FTSJ3: variants seen among roughly 807,000 people sequenced by gnomAD.
FTSJ3 encodes FtsJ RNA 2'-O-methyltransferase 3, also known as pre-rRNA 2'-O-ribose RNA methyltransferase FTSJ3.
In FTSJ3, 46 loss-of-function variants were observed where a neutral mutation model predicts 111.5. The observed-to-expected ratio is 0.41, with a 90% CI of 0.33 to 0.53. The LOEUF (loss-of-function observed/expected upper bound fraction) is 0.53. Among genes scored for constraint, FTSJ3 ranks in the 20% least tolerant of loss-of-function variants. The probability of loss-of-function intolerance (pLI) is 0.19; values close to 1 mark genes in which losing one functional copy is unlikely to be tolerated. For missense variants in FTSJ3, 1,075 were observed against 1,063.8 expected, an observed-to-expected ratio of 1.01 and a Z score of -0.15; for synonymous variants, 408 against 383.0, an observed-to-expected ratio of 1.07 and a Z score of -0.76.
rs751363362 is a variant in FTSJ3 at position 63,826,100 on chromosome 17, C to T, written c.256G>A (p.Val86Met). The T allele has an allele frequency of 6.2e-7, 1 of 1,613,968 alleles. No homozygotes were observed. Among genetic ancestry groups the T allele is most frequent in the South Asian group, 1.1e-5 (1 of 91,074 alleles). Residue 86 changes from valine to methionine, a missense_variant, in exon 5 of 21, where the codon GTG (valine) becomes ATG (methionine). Coordinates refer to ENST00000427159, the MANE Select transcript of FTSJ3 (RefSeq NM_017647.4). ...GTGATGTCCTGCTGGAGAGTCACCA[C>T]ATTGGGGAGAGGCTTGATTGGAACC... ...DLVPIKPLPN[V>M]VTLQQDITTE...
In FTSJ3 at chr17:63,821,441, C is replaced by A; in HGVS notation, c.1799G>T (p.Gly600Val). The A allele has an allele frequency of 6.2e-7, 1 of 1,614,152 alleles. No individual in the cohort carries two copies. The highest frequency in any genetic ancestry group is 8.5e-7 in the Non-Finnish European group (1 of 1,180,026). The change falls in exon 16 of 21, where the codon GGG becomes GTG. Residue 600 changes from glycine to valine, a missense_variant. Around this residue, in one of 2 missense-constraint regions of FTSJ3, gnomAD observed 867 missense variants for 796.9 expected, o/e 1.09. Transcript: ENST00000427159. ...TTCAAGGCCAGTGGCAGCTTCTGTC[C>A]CCGAAGAAGCCTCTGTTCCCTTAGG... ...EAPKGTEASS[G>V]TEAATGLEGE...
chr17:63,822,259 C>T (rs537942061), intron 13 of FTSJ3, 91 bp from the exon 14 acceptor site: 2 of 1,092,332 alleles, frequency 1.8e-6, no homozygotes, highest in Admixed American at 2.1e-5. Context: ...TGCTCAGCAA[C>T]ACTAGAAAGA....
At position 63,819,519 on chromosome 17, in the gene FTSJ3, T is replaced by C; in HGVS notation, c.*283A>G. On this transcript the variant is annotated 3_prime_UTR_variant, in exon 21 of 21. Coordinates refer to ENST00000427159, the MANE Select transcript of FTSJ3 (RefSeq NM_017647.4). ...ACGTCCAGGTGTAGACTGACTACAT[T>C]GAGTATCGCTCCAACACCGAACTTC... 1 of 376,368 alleles carries C rather than the reference T, an allele frequency of 2.7e-6. No individual in the cohort carries two copies. Among genetic ancestry groups the C allele is most frequent in the Non-Finnish European group, 4.8e-6 (1 of 207,250 alleles). The allele number at this position is 376,368 out of a possible 1,614,324, so 23.3% of individuals were successfully genotyped here. A position where few individuals can be genotyped will look rare whatever the true frequency, so the allele number is the denominator to read the frequency against.
chr17:63,824,895 TAG>T lies in FTSJ3; in HGVS notation c.744_745del (p.Tyr249SerfsTer7). On this transcript the variant is annotated frameshift_variant, in exon 9 of 21. Transcript: ENST00000427159. LOFTEE classifies it high-confidence loss of function. Reference sequence around the variant, plus strand: ...GAAGTCAGTGACTGAGGTACGGTGATAGAGAGTGAGGTCACCCTCAGCATAGC... The same window carrying T: ...GAAGTCAGTGACTGAGGTACGGTGATAGAGTGAGGTCACCCTCAGCATAGC... The T allele has an allele frequency of 1.9e-6, 3 of 1,593,756 alleles. No homozygotes were observed. Among genetic ancestry groups the T allele is most frequent in the Non-Finnish European group, 2.6e-6 (3 of 1,169,304 alleles).
chr17:63,821,147 A>G, intron 16 of FTSJ3, 32 bp from the exon 17 acceptor site: 1 of 1,601,760 alleles, frequency 6.2e-7, no homozygotes, highest in Non-Finnish European at 8.6e-7. Flanking sequence ...GAGTGATTCC[A>G]CCACTCTGTA....
Position 63,824,162 on chromosome 17 carries a change from T to C in FTSJ3, c.1076A>G (p.Glu359Gly). 1 of 1,614,128 alleles carries C rather than the reference T, an allele frequency of 6.2e-7. No homozygotes were observed. Among genetic ancestry groups the C allele is most frequent in the Non-Finnish European group, 8.5e-7 (1 of 1,180,030 alleles). ...TTGTTCCTCCTCCTCCTCTTCCTCC[T>C]CCTCCTTAGAGGGCTGCTTTGTGGT... ...AGTTKQPSKEEEEEEEEEQLN... is the reference protein window; with the variant it reads ...AGTTKQPSKEGEEEEEEEQLN... The change falls in exon 12 of 21, where the codon GAG becomes GGG. Residue 359 changes from glutamate to glycine, a missense_variant. Transcript: ENST00000427159.
rs752332912 is a variant in FTSJ3, at chr17:63,826,800, C to A, written c.67+36G>T. 385 of 1,598,672 alleles carry A rather than the reference C, an allele frequency of 2.4e-4. 5 individuals are homozygous for A. In the Admixed American group the frequency reaches 6.4e-3, roughly 26 times the overall value. On this transcript the variant is annotated intron_variant, in intron 2 of 20. Transcript: ENST00000427159. ...GAGCAGGCGAACCGGGCAGAGATCG[C>A]TCGCTCGCTCGCAGACTGAGCGAAT...
Position 63,821,496 on chromosome 17 carries a change from T to C in FTSJ3, c.1744A>G (p.Ile582Val). Residue 582 changes from isoleucine (I) to valine (V), a missense_variant, in exon 16 of 21, where the codon ATA becomes GTA. Coordinates refer to ENST00000427159, the MANE Select transcript of FTSJ3 (RefSeq NM_017647.4). ...QTPPSCLKTEIMSPLYQDEAP... is the reference protein window; with the variant it reads ...QTPPSCLKTEVMSPLYQDEAP... ...TCATCTTGGTACAGGGGAGACATTA[T>C]CTCAGTCTTCAAACAGGAAGGGGGT... The C allele has an allele frequency of 6.2e-7, 1 of 1,614,170 alleles. No individual in the cohort carries two copies. The highest frequency in any genetic ancestry group is 1.1e-5 in the South Asian group (1 of 91,078).
rs537685751 is a variant in FTSJ3, at chr17:63,821,199, C to T, written c.1887-84G>A. On this transcript the variant is annotated intron_variant, in intron 16 of 20. Transcript: ENST00000427159. ...CCCACGGAATTTGCAAAAATCCTGCCATGCAGGCTGTACCCCAGACCAGTT... is the reference window on the plus strand; with the variant it reads ...CCCACGGAATTTGCAAAAATCCTGCTATGCAGGCTGTACCCCAGACCAGTT... The T allele has an allele frequency of 1.9e-5, 29 of 1,541,068 alleles. No individual in the cohort carries two copies. In the African/African-American group the frequency reaches 3.4e-4, roughly 18 times the overall value.
In FTSJ3 at chr17:63,824,870, G is replaced by A. The variant is rs750487708; in HGVS notation, c.771C>T (p.Phe257=). The change falls in exon 9 of 21, where the codon TTC becomes TTT. Residue 257 remains phenylalanine, a synonymous_variant. Coordinates refer to ENST00000427159, the MANE Select transcript of FTSJ3 (RefSeq NM_017647.4). ...TLYHRTSVTD[F]LRAANPVDFL... ...AGTCAACAGGGTTGGCAGCTCGGAG[G>A]AAGTCAGTGACTGAGGTACGGTGAT... 3 of 1,601,060 alleles carry A rather than the reference G, an allele frequency of 1.9e-6. No individual in the cohort carries two copies. The highest frequency in any genetic ancestry group is 1.1e-5 in the South Asian group (1 of 88,602).
In FTSJ3 at chr17:63,819,627, G is replaced by A; in HGVS notation, c.*175C>T. ...TGGGAGACCTTCAGGCAGGCAGGAG[G>A]ACATCCTCCTCTCTGCTCAGGACCA... On this transcript the variant is annotated 3_prime_UTR_variant, in exon 21 of 21. Transcript: ENST00000427159. 1.6e-6 allele frequency: 1 copy of A among 610,292 alleles called. No homozygotes were observed. The allele number at this position is 610,292 out of a possible 1,614,324, so 37.8% of individuals were successfully genotyped here.
At chr17:63,825,947 G>T (rs1328042454) in intron 5 of FTSJ3, 109 bp downstream of exon 5, 5 of 868,292 alleles carry the variant, frequency 5.8e-6, no homozygotes, top group Admixed American at 4.4e-5. Flanking sequence ...CAGATGTCAG[G>T]CAAGAACGTG....
In FTSJ3 at chr17:63,827,513, A is replaced by AG; in HGVS notation, c.-489dup. 1.9e-6 allele frequency: 3 copies of AG among 1,551,748 alleles called. No homozygotes were observed. The highest frequency in any genetic ancestry group is 2.6e-6 in the Non-Finnish European group (3 of 1,146,994). ...AAGATGGCGCTTGACGGACCAGAGC[A>AG]GGTATGGCGGGTGCAGTGGCGGCCC... On this transcript the variant is annotated 5_prime_UTR_variant, in exon 1 of 21. Transcript: ENST00000427159.
Position 63,821,856 on chromosome 17 carries a change from A to G in FTSJ3, c.1476-13T>C. 2 of 1,614,016 alleles carry G rather than the reference A, an allele frequency of 1.2e-6. No individual in the cohort carries two copies. Among genetic ancestry groups the G allele is most frequent in the Non-Finnish European group, 1.7e-6 (2 of 1,180,024 alleles). ...AGTAAGTCGCATACTGTAGACCCAA[A>G]GGAAAGTAGGGGGCTCAGAGACCCA... On this transcript the variant is annotated splice_polypyrimidine_tract_variant and intron_variant, in intron 14 of 20. Coordinates refer to ENST00000427159, the MANE Select transcript of FTSJ3 (RefSeq NM_017647.4).
At chr17:63,821,691 T>TC (rs1461487116) in intron 15 of FTSJ3, 32 bp downstream of exon 15, 1 of 1,613,954 alleles carries the variant, frequency 6.2e-7, no homozygotes, top group African/African-American at 1.3e-5. Context: ...AAGACTCATC[T>TC]CCCCGCAGTC....
chr17:63,821,992 G>A lies in FTSJ3; in HGVS notation c.1467C>T (p.Asp489=). 1 of 1,614,008 alleles carries A rather than the reference G, an allele frequency of 6.2e-7. No individual in the cohort carries two copies. Among genetic ancestry groups the A allele is most frequent in the Non-Finnish European group, 8.5e-7 (1 of 1,179,968 alleles). The change falls in exon 14 of 21, where the codon GAC becomes GAT. Residue 489 remains aspartate, a synonymous_variant. Transcript: ENST00000427159. ...GCACACGTGCCCCTTACCGCTTTTGGTCCCTTAGACCCTGATGTCCCCTGA... is the reference window on the plus strand; with the variant it reads ...GCACACGTGCCCCTTACCGCTTTTGATCCCTTAGACCCTGATGTCCCCTGA... ...AGVRGHQGLR[D]QKRMRLTEVQ...
chr17:63,824,496 G>C lies in FTSJ3; in HGVS notation c.918-85C>G, dbSNP rs1023723731. 15 of 1,508,498 alleles carry C rather than the reference G, an allele frequency of 9.9e-6. No individual in the cohort carries two copies. The South Asian group carries it at 1.2e-4, about 12-fold the overall frequency. 93.4% of individuals were successfully genotyped at this position (1,508,498 alleles called of 1,614,324 possible). ...GTTTTAGGCTCACTACCCACCTTTCGGGCTTCGGCTACATAAATCAAAAGG... is the reference window on the plus strand; with the variant it reads ...GTTTTAGGCTCACTACCCACCTTTCCGGCTTCGGCTACATAAATCAAAAGG... On this transcript the variant is annotated intron_variant, in intron 10 of 20. Transcript: ENST00000427159.
At chr17:63,824,285 C>G in intron 11 of FTSJ3, 46 bp from the exon 12 acceptor site, 1 of 1,614,148 alleles carries the variant, frequency 6.2e-7, no homozygotes, top group Non-Finnish European at 8.5e-7. Flanking sequence ...CAGACTTTTC[C>G]CCTGGACACC....
At chr17:63,825,765 A>G (rs1285719365) in intron 5 of FTSJ3, 130 bp from the exon 6 acceptor site, 14 of 741,984 alleles carry the variant, frequency 1.9e-5, no homozygotes, top group Non-Finnish European at 3.1e-5. Flanking sequence ...GAGATACAAT[A>G]GTAAACAAAA....
Sources: gnomAD v4.1 joint callset for allele counts on GRCh38, gnomAD v4.1.1 for gene constraint, gnomAD v4.1.1 regional missense constraint, MANE v1.5 for transcripts, NCBI Gene and HGNC (gene_info 2026-07-23, HGNC 2026-07-21) for gene names.